PAK1: variants seen among roughly 807,000 people sequenced by gnomAD.
The protein encoded by PAK1 is serine/threonine-protein kinase PAK 1.
PAK1 carries 29 observed loss-of-function variants against 67.4 expected under a neutral mutation model. The observed-to-expected ratio is 0.43, with a 90% confidence interval of 0.32 to 0.59. The LOEUF is 0.59. Ranked by LOEUF, PAK1 falls within the 20% of genes least tolerant of loss-of-function variation. The pLI is 0.07. For synonymous variants in PAK1, 223 were observed against 237.4 expected (o/e 0.94, Z 0.56); for missense variants, 337 against 670.7 (o/e 0.50, Z 5.50).
At chr11:77,468,995 T>C (rs1957725600) in intron 1 of PAK1, among the ~76,000 whole-genome samples, 1 of 152,158 alleles carries the variant, frequency 6.6e-6, no homozygotes, top group South Asian at 2.1e-4. Context: ...TTATTTTTCC[T>C]GTATGAATGA....
upstream of PAK1, among the ~76,000 whole-genome samples, chr11:77,477,877 C>G (rs1485411861): frequency 6.6e-6 from 1 of 152,200 alleles, no homozygotes; most frequent in Non-Finnish European, 1.5e-5. Flanking sequence ...GAGCCGTGAT[C>G]ATGCCACTGC....
intron 4 of PAK1, among the ~76,000 whole-genome samples, chr11:77,376,736 CAAA>C (rs35882567): frequency 8.0e-5 from 6 of 75,244 alleles, no homozygotes; most frequent in African/African-American, 2.5e-4. Flanking sequence ...GACTCCATCT[CAAA>C]AAAAAAAAAA....
At chr11:77,384,479 C>T (rs1230090788) in intron 2 of PAK1, among the ~76,000 whole-genome samples, 2 of 152,130 alleles carry the variant, frequency 1.3e-5, no homozygotes, top group African/African-American at 4.8e-5. Flanking sequence ...TTAGCTTATT[C>T]ATAACAGTCA....
At chr11:77,482,899 C>T in the PAK1 span, among the ~76,000 whole-genome samples, 1 of 152,098 alleles carries the variant, frequency 6.6e-6, no homozygotes, top group African/African-American at 2.4e-5. Flanking sequence ...AGCCACCACA[C>T]CCAGCTTTTC....
At chr11:77,515,938 T>A in the PAK1 span, among the ~76,000 whole-genome samples, 1 of 152,174 alleles carries the variant, frequency 6.6e-6, no homozygotes, top group African/African-American at 2.4e-5. Context: ...ATAAGCATCC[T>A]AGAAATGCTG....
intron 1 of PAK1, among the ~76,000 whole-genome samples, chr11:77,413,615 G>A (rs746070767): frequency 2.0e-5 from 3 of 151,958 alleles, no homozygotes; most frequent in Non-Finnish European, 2.9e-5. Context: ...CCCAGGAGGC[G>A]GAAGTTGCAG....
At chr11:77,497,204 A>G in the PAK1 span, among the ~76,000 whole-genome samples, 2 of 152,224 alleles carry the variant, frequency 1.3e-5, no homozygotes, top group African/African-American at 4.8e-5. Flanking sequence ...TTATCTCCCC[A>G]TGGAGATGAG....
the PAK1 span, among the ~76,000 whole-genome samples, chr11:77,497,614 T>C: frequency 6.6e-6 from 1 of 152,248 alleles, no homozygotes; most frequent in African/African-American, 2.4e-5. Flanking sequence ...GGTGTATTTC[T>C]ATCAAGTGAT....
chr11:77,496,462 A>G, the PAK1 span, among the ~76,000 whole-genome samples: 13 of 151,942 alleles, frequency 8.6e-5, no homozygotes, highest in Admixed American at 7.2e-4. Flanking sequence ...TGGCTCTACA[A>G]AAAATACAAA....
At chr11:77,524,135 C>T in the PAK1 span, among the ~76,000 whole-genome samples, 34 of 152,192 alleles carry the variant, frequency 2.2e-4, no homozygotes, top group African/African-American at 8.0e-4. Flanking sequence ...TTCAAATACA[C>T]CTTTATCAAG....
At chr11:77,434,239 A>G (rs2844331) in intron 1 of PAK1, among the ~76,000 whole-genome samples, 1 of 152,212 alleles carries the variant, frequency 6.6e-6, no homozygotes, top group Non-Finnish European at 1.5e-5. Flanking sequence ...CAACCCAAAT[A>G]TCCATGAACT....
At chr11:77,389,089 C>A (rs1950811599) in intron 2 of PAK1, among the ~76,000 whole-genome samples, 1 of 152,020 alleles carries the variant, frequency 6.6e-6, no homozygotes, top group South Asian at 2.1e-4. Context: ...GTTTTAATTG[C>A]CTCTCCCTCT....
intron 11 of PAK1, 145 bp downstream of exon 11, chr11:77,340,501 T>G: frequency 1.6e-6 from 1 of 644,268 alleles, no homozygotes; most frequent in Non-Finnish European, 2.8e-6. Context: ...CAAACACAGG[T>G]ACAATACAGG....
chr11:77,332,375 A>G (rs1451607627), intron 14 of PAK1, among the ~76,000 whole-genome samples: 6 of 470 alleles, frequency 0.013, no homozygotes, highest in Non-Finnish European at 0.021. Context: ...AAAGGAAGGG[A>G]AGGGAAGGGA....
chr11:77,523,721 T>G, the PAK1 span, among the ~76,000 whole-genome samples: 1 of 152,176 alleles, frequency 6.6e-6, no homozygotes, highest in African/African-American at 2.4e-5. Context: ...CCCGGCCTCT[T>G]CATACTTTTA....
At chr11:77,376,468 A>T (rs768216045) in intron 4 of PAK1, among the ~76,000 whole-genome samples, 3 of 152,232 alleles carry the variant, frequency 2.0e-5, no homozygotes, top group Middle Eastern at 3.4e-3. Context: ...TGCCAGGCAC[A>T]TGGCTCACGC....
intron 1 of PAK1, among the ~76,000 whole-genome samples, chr11:77,463,829 C>T (rs993314682): frequency 2.7e-5 from 4 of 146,286 alleles, no homozygotes; most frequent in African/African-American, 1.1e-4. Flanking sequence ...GCTTCCTATA[C>T]AACAGCCATA....
At chr11:77,367,405 G>T (rs1947751626) in intron 5 of PAK1, among the ~76,000 whole-genome samples, 2 of 151,970 alleles carry the variant, frequency 1.3e-5, no homozygotes, top group Admixed American at 1.3e-4. Flanking sequence ...GAGGCAAAGG[G>T]CCACCTGGAA....
the PAK1 span, among the ~76,000 whole-genome samples, chr11:77,491,144 A>C: frequency 6.6e-6 from 1 of 152,028 alleles, no homozygotes; most frequent in African/African-American, 2.4e-5. Context: ...AAAGAAAAAA[A>C]AAATTAAAGA....
Sources: allele counts gnomAD v4.1 joint callset (sites outside exome capture counted in the v4.1 genomes callset), GRCh38; gene constraint gnomAD v4.1.1; transcripts MANE v1.5; gene names NCBI Gene and HGNC (gene_info 2026-07-23, HGNC 2026-07-21).